The following PIEZO2 variants were observed in gnomAD, a reference collection of about 807,000 sequenced individuals.
The protein encoded by PIEZO2 is piezo-type mechanosensitive ion channel component 2.
A neutral mutation model predicts 337.3 loss-of-function variants in PIEZO2; 172 were observed. The observed-to-expected ratio is 0.51, with a 90% CI of 0.45 to 0.58. The LOEUF (loss-of-function observed/expected upper bound fraction) is 0.58, where lower values mean the gene tolerates loss of function less well. PIEZO2 is among the 20% of genes least tolerant of loss of function. The pLI is 0.00. For synonymous variants in PIEZO2, 1,251 were observed against 1,228.5 expected, an observed-to-expected ratio of 1.02 and a Z score of -0.38; for missense variants, 3,028 against 3,391.3, an observed-to-expected ratio of 0.89 and a Z score of 2.66.
At chr18:10,698,384 A>G (rs1466662740) in intron 44 of PIEZO2, among the ~76,000 whole-genome samples, 1 of 151,898 alleles carries the variant, frequency 6.6e-6, no homozygotes, top group Non-Finnish European at 1.5e-5. Flanking sequence ...GGAGCCCCAT[A>G]ATTACAAAAG....
rs1297019695 is a variant in PIEZO2, at chr18:10,943,916, G to A, written c.287-32688C>T. 1.3e-5 allele frequency among the ~76,000 whole-genome samples: 2 copies of A among 152,098 alleles called. No homozygotes were observed. The highest frequency in any genetic ancestry group is 3.9e-4 in the East Asian group (2 of 5,184). Reference sequence around the variant, plus strand: ...AGATCTGATGGCTTTAAAAATGGGAGTTTCTCTGAACAAGCTCTCTCTTTG... The same window carrying A: ...AGATCTGATGGCTTTAAAAATGGGAATTTCTCTGAACAAGCTCTCTCTTTG... On this transcript the variant is annotated intron_variant, in intron 3 of 55. Coordinates refer to ENST00000674853, the MANE Select transcript of PIEZO2 (RefSeq NM_001378183.1). This position sits in a 1 kb window ranked among gnomAD's most constrained non-coding sequence, Gnocchi z 4.5.
In PIEZO2 at chr18:11,132,167, A is replaced by G. The variant is rs1286943771; in HGVS notation, c.64+16358T>C. On this transcript the variant is annotated intron_variant, in intron 1 of 55. Coordinates refer to ENST00000674853, the MANE Select transcript of PIEZO2 (RefSeq NM_001378183.1). The surrounding 1 kb of genome is among the most constrained non-coding windows in gnomAD (Gnocchi z 4.7). ...TCACTGGAATAGACACTTACTCTGT[A>G]TATAGGTTTGCCTGTCCTGCATGCA... is the stretch of plus-strand genomic sequence containing the variant. Among the ~76,000 whole-genome samples, 1 of 152,184 alleles carries G rather than the reference A, an allele frequency of 6.6e-6. No homozygotes were observed. The highest frequency in any genetic ancestry group is 1.5e-5 in the Non-Finnish European group (1 of 68,032).
chr18:10,740,211 AT>A (rs1470217534), intron 33 of PIEZO2: 1 of 152,322 alleles, frequency 6.6e-6, no homozygotes, highest in Non-Finnish European at 1.5e-5. Context: ...CTATAGTGAT[AT>A]TTTCTTTGCT....
Position 11,033,098 on chromosome 18 carries a change from A to T in PIEZO2, c.160+33029T>A, listed in dbSNP as rs1568313769. Among the ~76,000 whole-genome samples, 1 of 152,214 alleles carries T rather than the reference A, an allele frequency of 6.6e-6. No homozygotes were observed. The highest frequency in any genetic ancestry group is 1.5e-5 in the Non-Finnish European group (1 of 68,034). On this transcript the variant is annotated intron_variant, in intron 2 of 55. Transcript: ENST00000674853. The surrounding 1 kb of genome is among the most constrained non-coding windows in gnomAD (Gnocchi z 4.2). ...CATATACGGACAAGAGGAGAGAAACAATAATAGACAGCACCTTTTGAGCAT... is the reference window on the plus strand; with the variant it reads ...CATATACGGACAAGAGGAGAGAAACTATAATAGACAGCACCTTTTGAGCAT...
At chr18:10,939,017 G>A (rs1396523117) in intron 3 of PIEZO2, among the ~76,000 whole-genome samples, 1 of 152,076 alleles carries the variant, frequency 6.6e-6, no homozygotes, top group Non-Finnish European at 1.5e-5. Context: ...AACCCAGAGT[G>A]GCAGAAGTTA....
At chr18:10,717,828 A>T (rs1461958018) in intron 37 of PIEZO2, among the ~76,000 whole-genome samples, 2 of 152,024 alleles carry the variant, frequency 1.3e-5, no homozygotes, top group African/African-American at 2.4e-5. Flanking sequence ...CTTCTCTCTC[A>T]TTTACCTCCT....
intron 2 of PIEZO2, among the ~76,000 whole-genome samples, chr18:11,065,714 G>T (rs1389725531): frequency 6.6e-6 from 1 of 152,094 alleles, no homozygotes; most frequent in Non-Finnish European, 1.5e-5. Flanking sequence ...TCCTGTAAAT[G>T]GCTCATAAAT....
At chr18:11,013,917 CA>C (rs2145671732) in intron 2 of PIEZO2, among the ~76,000 whole-genome samples, 2 of 152,258 alleles carry the variant, frequency 1.3e-5, no homozygotes, top group African/African-American at 4.8e-5. Context: ...TACATAGTTC[CA>C]AAATCCTCAG....
At chr18:11,005,110 A>G (rs1311867563) in intron 2 of PIEZO2, among the ~76,000 whole-genome samples, 1 of 152,256 alleles carries the variant, frequency 6.6e-6, no homozygotes, top group African/African-American at 2.4e-5. Context: ...TATTTTATTC[A>G]GCCAGTGTGC....
chr18:11,128,794 A>G lies in PIEZO2; in HGVS notation c.64+19731T>C, dbSNP rs542888652. Among the ~76,000 whole-genome samples the G allele has an allele frequency of 1.3e-3, 200 of 152,286 alleles. 1 individual carries two copies. The Middle Eastern group carries it at 0.014, about 10-fold the overall frequency. On this transcript the variant is annotated intron_variant, in intron 1 of 55. Transcript: ENST00000674853. This position sits in a 1 kb window ranked among gnomAD's most constrained non-coding sequence, Gnocchi z 4.1. ...GAAAGTGTGACCCATGAGGAGGTGC[A>G]CTACACTCAAAAAGAACTGTTTGAG...
chr18:10,795,351 A>ATTTTATTTTATTTTATT lies in PIEZO2; in HGVS notation c.1528-350_1528-349insAATAAAATAAAATAAAA. 4.9e-5 allele frequency among the ~76,000 whole-genome samples: 1 copy of ATTTTATTTTATTTTATT among 20,526 alleles called. No individual in the cohort carries two copies. The highest frequency in any genetic ancestry group is 1.4e-4 in the African/African-American group (1 of 7,144). The allele number at this position is 20,526 out of a possible 152,430, so 13.5% of individuals were successfully genotyped here. Reference sequence around the variant, plus strand: ...ATTTTATTTTATTTTATTTTATTTTATTATTTTATTTTATTTTATTTTATT... The same window carrying ATTTTATTTTATTTTATT: ...ATTTTATTTTATTTTATTTTATTTTATTTTATTTTATTTTATTTTATTTTATTTTATTTTATTTTATT... On this transcript the variant is annotated intron_variant, in intron 12 of 55. Coordinates refer to ENST00000674853, the MANE Select transcript of PIEZO2 (RefSeq NM_001378183.1). This position sits in a 1 kb window ranked among gnomAD's most constrained non-coding sequence, Gnocchi z 4.4.
At chr18:10,998,061 TA>T (rs1260650745) in intron 2 of PIEZO2, among the ~76,000 whole-genome samples, 2 of 152,038 alleles carry the variant, frequency 1.3e-5, no homozygotes, top group African/African-American at 4.8e-5. Flanking sequence ...AAAGACCACA[TA>T]TTTTTCATCA....
chr18:10,835,154 C>A (rs986671835), intron 7 of PIEZO2, among the ~76,000 whole-genome samples: 2 of 152,218 alleles, frequency 1.3e-5, no homozygotes, highest in African/African-American at 2.4e-5. Flanking sequence ...TTGGACTCTC[C>A]AGCCTCCAGA....
At chr18:11,015,769 G>A (rs959094176) in intron 2 of PIEZO2, among the ~76,000 whole-genome samples, 4 of 152,092 alleles carry the variant, frequency 2.6e-5, no homozygotes, top group Non-Finnish European at 5.9e-5. Context: ...TATTTGCATA[G>A]TGCTCTATGG....
intron 42 of PIEZO2, 98 bp downstream of exon 42, chr18:10,704,296 G>A: frequency 7.0e-7 from 1 of 1,437,972 alleles, no homozygotes; most frequent in South Asian, 1.4e-5. Flanking sequence ...TCTGGGATCA[G>A]GGCAGGCCCG....
At chr18:10,697,595 A>G (rs926905937) in intron 45 of PIEZO2, among the ~76,000 whole-genome samples, 153 bp downstream of exon 45, 2 of 152,258 alleles carry the variant, frequency 1.3e-5, no homozygotes, top group African/African-American at 2.4e-5. Flanking sequence ...ATTTTTAAAA[A>G]CAAGACAAAA....
In PIEZO2 at chr18:11,016,774, C is replaced by T. The variant is rs1427666344; in HGVS notation, c.161-37114G>A. 2.0e-5 allele frequency among the ~76,000 whole-genome samples: 3 copies of T among 152,166 alleles called. No individual in the cohort carries two copies. The highest frequency in any genetic ancestry group is 4.4e-5 in the Non-Finnish European group (3 of 68,018). Reference sequence around the variant, plus strand: ...TTCCTTCCCAGTTTTCATCCCCATACATGTGGATTTGATATATTTATTTAG... The same window carrying T: ...TTCCTTCCCAGTTTTCATCCCCATATATGTGGATTTGATATATTTATTTAG... On this transcript the variant is annotated intron_variant, in intron 2 of 55. Transcript: ENST00000674853. The surrounding 1 kb of genome is among the most constrained non-coding windows in gnomAD (Gnocchi z 5.6).
In PIEZO2 at chr18:10,974,636, A is replaced by C. The variant is rs545718406; in HGVS notation, c.286+4899T>G. Among the ~76,000 whole-genome samples the C allele has an allele frequency of 6.6e-5, 10 of 152,344 alleles. 1 individual carries two copies. The South Asian group carries it at 1.7e-3, about 25-fold the overall frequency. On this transcript the variant is annotated intron_variant, in intron 3 of 55. Coordinates refer to ENST00000674853, the MANE Select transcript of PIEZO2 (RefSeq NM_001378183.1). ...ATGGGGGAAGAATGGAAAGCCAGAC[A>C]GATCCGTGCTCAGACTCCAGCTGAG...
rs189153370 is a variant in PIEZO2, at chr18:10,966,998, C to T, written c.286+12537G>A. 9.2e-4 allele frequency among the ~76,000 whole-genome samples: 139 copies of T among 150,668 alleles called. 1 individual carries two copies. The highest frequency in any genetic ancestry group is 3.4e-3 in the African/African-American group (138 of 40,978). On this transcript the variant is annotated intron_variant, in intron 3 of 55. Coordinates refer to ENST00000674853, the MANE Select transcript of PIEZO2 (RefSeq NM_001378183.1). ...GTATTCCATGATATGTGTATATATA[C>T]CACATTTTCTCTGTTTTTTGTTTTT...
Sources: gnomAD v4.1 joint callset for allele counts (sites outside exome capture counted in the v4.1 genomes callset) on GRCh38, gnomAD v4.1.1 for gene constraint, Gnocchi (gnomAD v3.1) non-coding constraint, MANE v1.5 for transcripts, NCBI Gene and HGNC (gene_info 2026-07-23, HGNC 2026-07-21) for gene names.